SLC43A2: variants seen among roughly 807,000 people sequenced by gnomAD.
The protein encoded by SLC43A2 is large neutral amino acids transporter small subunit 4.
Under a neutral mutation model 63.2 loss-of-function variants are expected in SLC43A2, and 38 were observed. The ratio of observed to expected loss-of-function variants is 0.60; its 90% CI spans 0.46 to 0.79. The LOEUF is 0.79. SLC43A2 is among the 30% of genes least tolerant of loss of function. SLC43A2 has a pLI of 0.00. For missense variants in SLC43A2, 644 were observed against 756.2 expected (o/e 0.85, Z 1.74); for synonymous variants, 322 against 331.0 (o/e 0.97, Z 0.30).
At chr17:1,590,668 G>T in intron 9 of SLC43A2, 134 bp downstream of exon 9, 1 of 1,154,756 alleles carries the variant, frequency 8.7e-7, no homozygotes, top group Non-Finnish European at 1.2e-6. Flanking sequence ...AGCTCTGACG[G>T]GCAGACAGCT....
At chr17:1,594,228 GCT>G (rs905022870) in intron 5 of SLC43A2, among the ~76,000 whole-genome samples, 6 of 152,150 alleles carry the variant, frequency 3.9e-5, no homozygotes, top group Non-Finnish European at 7.4e-5. Flanking sequence ...CAAGGTCCGG[GCT>G]CTCTTCCCAA....
At chr17:1,591,735 G>GGGGGGGGGGGGGGAGGA in intron 6 of SLC43A2, 36 bp from the exon 7 acceptor site, 1 of 652,928 alleles carries the variant, frequency 1.5e-6, no homozygotes, top group Admixed American at 2.5e-5. Flanking sequence ...GGGGGGGGGA[G>GGGGGGGGGGGGGGAGGA]GGGGCAGAGT....
At chr17:1,581,461 G>A (rs996257915) in intron 11 of SLC43A2, among the ~76,000 whole-genome samples, 1 of 152,206 alleles carries the variant, frequency 6.6e-6, no homozygotes, top group Non-Finnish European at 1.5e-5. Context: ...GGCCCGCTGC[G>A]CTCTGCACGC....
rs1466619653 is a variant in SLC43A2 at position 1,606,538 on chromosome 17, A to G, written c.501+6657T>C. On this transcript the variant is annotated intron_variant, in intron 5 of 13. Transcript: ENST00000301335. This position sits in a 1 kb window ranked among gnomAD's most constrained non-coding sequence, Gnocchi z 4.7. ...GTCAGAGTAATGGAGTGGAAATGGC[A>G]GGTTCACAATTTTGGCTACAGCTGC... Among the ~76,000 whole-genome samples, 1 of 152,162 alleles carries G rather than the reference A, an allele frequency of 6.6e-6. No homozygotes were observed. The highest frequency in any genetic ancestry group is 2.4e-5 in the African/African-American group (1 of 41,426).
chr17:1,585,100 G>C (rs1314975971), intron 10 of SLC43A2: 2 of 925,882 alleles, frequency 2.2e-6, no homozygotes, highest in Non-Finnish European at 2.6e-6. Context: ...GTTAATCCCA[G>C]TACTTTGGGA....
intron 5 of SLC43A2, among the ~76,000 whole-genome samples, chr17:1,601,660 A>C (rs533546447): frequency 1.1e-4 from 16 of 151,918 alleles, no homozygotes; most frequent in African/African-American, 3.9e-4. Context: ...CGAAGGTCCA[A>C]ACCAATGCAA....
intron 2 of SLC43A2, among the ~76,000 whole-genome samples, chr17:1,618,657 G>C (rs1016348271): frequency 1.4e-4 from 21 of 152,214 alleles, no homozygotes; most frequent in Admixed American, 3.9e-4. Context: ...ATCTCACCCA[G>C]GTCTTGGCCT....
intron 5 of SLC43A2, among the ~76,000 whole-genome samples, chr17:1,612,625 T>C (rs749943124): frequency 2.6e-5 from 4 of 152,256 alleles, no homozygotes; most frequent in Non-Finnish European, 5.9e-5. Flanking sequence ...TCTGCCTTCC[T>C]TGGGCACAAG....
intron 2 of SLC43A2, 44 bp downstream of exon 2, chr17:1,627,670 GC>G: frequency 4.1e-6 from 2 of 491,236 alleles, no homozygotes; most frequent in Non-Finnish European, 5.6e-6. Context: ...CCCTCCCAAA[GC>G]CCCAGCTCCA....
At position 1,572,347 on chromosome 17, in the gene SLC43A2, G is replaced by A. The variant is rs1043113569; in HGVS notation, c.*3257C>T. ...GGCCCCTGAGCTGCTGCTCCGAGTG[G>A]AATGTCCTGGTCTAGAGGCCCTTGG... is the stretch of plus-strand genomic sequence containing the variant. On this transcript the variant is annotated 3_prime_UTR_variant, in exon 14 of 14. Coordinates refer to ENST00000301335, the MANE Select transcript of SLC43A2 (RefSeq NM_152346.3). The A allele has an allele frequency of 6.6e-6, 1 of 151,300 alleles. No homozygotes were observed. The highest frequency in any genetic ancestry group is 2.4e-5 in the African/African-American group (1 of 40,940). 9.4% of individuals were successfully genotyped at this position (151,300 alleles called of 1,614,324 possible).
At chr17:1,614,635 A>AG (rs1907425222) in intron 4 of SLC43A2, among the ~76,000 whole-genome samples, 1 of 152,030 alleles carries the variant, frequency 6.6e-6, no homozygotes, top group South Asian at 2.1e-4. Flanking sequence ...TGCTGCCTGG[A>AG]GGGGACTCAG....
intron 2 of SLC43A2, among the ~76,000 whole-genome samples, chr17:1,620,227 G>C (rs1908029364): frequency 6.6e-6 from 1 of 152,134 alleles, no homozygotes; most frequent in Admixed American, 6.5e-5. Flanking sequence ...ATTTAGCCAG[G>C]CTTGGTGGCA....
At chr17:1,622,378 ACGGTGAAACCC>A (rs1908236461) in intron 2 of SLC43A2, among the ~76,000 whole-genome samples, 1 of 151,548 alleles carries the variant, frequency 6.6e-6, no homozygotes, top group African/African-American at 2.4e-5. Flanking sequence ...CGTGGCTAAC[ACGGTGAAACCC>A]CGTCTCTACT....
At position 1,578,157 on chromosome 17, in the gene SLC43A2, A is replaced by G. The variant is rs2075961356; in HGVS notation, c.1424+93T>C. ...AGATGAGCCCTTCTGGGACAGGCTG[A>G]CCCTGCCTCAGAGTCTCAGTCCCAC... is the stretch of plus-strand genomic sequence containing the variant. On this transcript the variant is annotated intron_variant, in intron 12 of 13. Transcript: ENST00000301335. The surrounding 1 kb of genome is among the most constrained non-coding windows in gnomAD (Gnocchi z 6.5). 1 of 1,279,828 alleles carries G rather than the reference A, an allele frequency of 7.8e-7. No individual in the cohort carries two copies. Among genetic ancestry groups the G allele is most frequent in the Non-Finnish European group, 1.1e-6 (1 of 891,820 alleles). 79.3% of individuals were successfully genotyped at this position (1,279,828 alleles called of 1,614,324 possible).
At chr17:1,624,663 G>A (rs1567652107) in intron 2 of SLC43A2, among the ~76,000 whole-genome samples, 1 of 152,196 alleles carries the variant, frequency 6.6e-6, no homozygotes, top group Non-Finnish European at 1.5e-5. Flanking sequence ...GGCTGAGGCA[G>A]GAGGATCGCT....
At position 1,583,482 on chromosome 17, in the gene SLC43A2, G is replaced by C; in HGVS notation, c.1218-146C>G. 1 of 1,393,174 alleles carries C rather than the reference G, an allele frequency of 7.2e-7. No individual in the cohort carries two copies. Among genetic ancestry groups the C allele is most frequent in the Non-Finnish European group, 9.6e-7 (1 of 1,041,924 alleles). 86.3% of individuals were successfully genotyped at this position (1,393,174 alleles called of 1,614,324 possible). A position where few individuals can be genotyped will look rare whatever the true frequency, so the allele number is the denominator to read the frequency against. On this transcript the variant is annotated intron_variant, in intron 10 of 13. Coordinates refer to ENST00000301335, the MANE Select transcript of SLC43A2 (RefSeq NM_152346.3). The surrounding 1 kb of genome is among the most constrained non-coding windows in gnomAD (Gnocchi z 5.5). ...GGCACGTTTTAGGGACTGTGTCGGG[G>C]CTGGACCAGCACTACGGACACTCCC...
intron 5 of SLC43A2, among the ~76,000 whole-genome samples, chr17:1,612,901 C>T (rs138414399): frequency 2.9e-4 from 44 of 151,688 alleles, no homozygotes; most frequent in African/African-American, 7.5e-4. Context: ...GAACCTGGGA[C>T]GCGGAGGTTG....
Position 1,570,928 on chromosome 17 carries a change from C to T in SLC43A2, c.*4676G>A, listed in dbSNP as rs1285923514. ...CAAGACTCGCCCAGGGCCACCAAGA[C>T]AGTCCTCTAGACTTTGGTCTTCCCT... is the stretch of plus-strand genomic sequence containing the variant. On this transcript the variant is annotated 3_prime_UTR_variant, in exon 14 of 14. Transcript: ENST00000301335. 1 of 152,322 alleles carries T rather than the reference C, an allele frequency of 6.6e-6. No homozygotes were observed. The highest frequency in any genetic ancestry group is 1.5e-5 in the Non-Finnish European group (1 of 68,088). 9.4% of individuals were successfully genotyped at this position (152,322 alleles called of 1,614,324 possible). A position where few individuals can be genotyped will look rare whatever the true frequency, so the allele number is the denominator to read the frequency against.
chr17:1,615,010 C>G lies in SLC43A2; in HGVS notation c.393G>C (p.Leu131Phe). 6.2e-7 allele frequency: 1 copy of G among 1,614,042 alleles called. No homozygotes were observed. Among genetic ancestry groups the G allele is most frequent in the African/African-American group, 1.3e-5 (1 of 75,026 alleles). ...GTTTACTTGCTCCGTACGCAATCAG[C>G]AAGCAGGAAACCGCGAAGCAGGCGC... ...LGSACFAVSC[L>F]LIAYGASKPN... The change falls in exon 4 of 14, where the codon TTG (leucine) becomes TTC (phenylalanine). Residue 131 changes from leucine to phenylalanine, a missense_variant. This residue lies in a region of SLC43A2 where 528 missense variants were observed against 623.6 expected (regional missense o/e 0.85). Transcript: ENST00000301335.
Sources: gnomAD v4.1 joint callset for allele counts (sites outside exome capture counted in the v4.1 genomes callset) on GRCh38, gnomAD v4.1.1 for gene constraint, gnomAD v4.1.1 regional missense constraint, Gnocchi (gnomAD v3.1) non-coding constraint, MANE v1.5 for transcripts, NCBI Gene and HGNC (gene_info 2026-07-23, HGNC 2026-07-21) for gene names.